IQCH: variants seen among roughly 807,000 people sequenced by gnomAD.
The protein encoded by IQCH is IQ domain-containing protein H.
IQCH carries 98 observed loss-of-function variants against 117.0 expected under a neutral mutation model. The observed-to-expected ratio is 0.84, with a 90% CI of 0.71 to 0.99. IQCH has a LOEUF of 0.99. Among genes scored for constraint, IQCH ranks in the 50% least tolerant of loss-of-function variants. IQCH has a pLI of 0.00. For missense variants in IQCH, 1,102 were observed against 1,243.8 expected (o/e 0.89, Z 1.72); for synonymous variants, 412 against 448.2 (o/e 0.92, Z 1.02).
rs1438276083 is a variant in IQCH, at chr15:67,413,859, C to T, written c.2098-3072C>T. 6.6e-6 allele frequency among the ~76,000 whole-genome samples: 1 copy of T among 152,178 alleles called. No homozygotes were observed. The highest frequency in any genetic ancestry group is 1.5e-5 in the Non-Finnish European group (1 of 68,018). On this transcript the variant is annotated intron_variant, in intron 14 of 20. Coordinates refer to ENST00000335894, the MANE Select transcript of IQCH (RefSeq NM_001031715.3). The surrounding 1 kb of genome is among the most constrained non-coding windows in gnomAD (Gnocchi z 5.0). ...GACTTTCCTCTAGGAAATTTACCTC[C>T]TTACTGGGGCTTTGTGCACAGTGAA...
At position 67,254,938 on chromosome 15, in the gene IQCH, C is replaced by G; in HGVS notation, c.42C>G (p.Ile14Met). The G allele has an allele frequency of 6.2e-7, 1 of 1,613,662 alleles. No homozygotes were observed. The highest frequency in any genetic ancestry group is 8.5e-7 in the Non-Finnish European group (1 of 1,179,730). ...AAAACCACGACCCTGTCGGATCCAT[C>G]TTAATCCAGGTGGGAAACGGGCTTC... ...NTENHDPVGS[I>M]LIQIHEDLYQ... The change falls in exon 1 of 21, where the codon ATC becomes ATG. Residue 14 changes from isoleucine (I) to methionine (M), a missense_variant. Physicochemically the swap from Ile to Met is conservative, Grantham distance 10 (BLOSUM62 1). Transcript: ENST00000335894.
intron 3 of IQCH, among the ~76,000 whole-genome samples, chr15:67,263,782 C>CA (rs1403826658): frequency 2.0e-5 from 3 of 152,052 alleles, no homozygotes; most frequent in African/African-American, 7.2e-5. Context: ...GTAAACAAAA[C>CA]AAAAATAAAA....
rs1366886447 is a variant in IQCH, at chr15:67,494,828, G to T, written c.2970+462G>T. On this transcript the variant is annotated intron_variant, in intron 20 of 20. Coordinates refer to ENST00000335894, the MANE Select transcript of IQCH (RefSeq NM_001031715.3). This position sits in a 1 kb window ranked among gnomAD's most constrained non-coding sequence, Gnocchi z 5.5. ...GTGTTAGGGAGAAGCAGAAAATATAGCATGTATGTGGGCCATCTACCCCAC... is the reference window on the plus strand; with the variant it reads ...GTGTTAGGGAGAAGCAGAAAATATATCATGTATGTGGGCCATCTACCCCAC... Among the ~76,000 whole-genome samples, 4 of 152,142 alleles carry T rather than the reference G, an allele frequency of 2.6e-5. No homozygotes were observed. The highest frequency in any genetic ancestry group is 4.4e-5 in the Non-Finnish European group (3 of 68,030).
Position 67,475,691 on chromosome 15 carries a change from T to A in IQCH, c.2677-5T>A. 6.2e-7 allele frequency: 1 copy of A among 1,613,532 alleles called. No individual in the cohort carries two copies. Among genetic ancestry groups the A allele is most frequent in the South Asian group, 1.1e-5 (1 of 90,960 alleles). ...TGTTTAATATTCAGTTGTGCTCCTT[T>A]CCAGATGCTGGCAACCAGTCGCTAT... On this transcript the variant is annotated splice_polypyrimidine_tract_variant and splice_region_variant and intron_variant, in intron 17 of 20. Transcript: ENST00000335894. The surrounding 1 kb of genome is among the most constrained non-coding windows in gnomAD (Gnocchi z 5.7).
chr15:67,458,340 C>T lies in IQCH; in HGVS notation c.2506-6787C>T, dbSNP rs1385856376. On this transcript the variant is annotated intron_variant, in intron 16 of 20. Transcript: ENST00000335894. The surrounding 1 kb of genome is among the most constrained non-coding windows in gnomAD (Gnocchi z 4.1). Reference sequence around the variant, plus strand: ...GGCTCCTTTTTCTCATACTGCACATCCAATCCATCAATAAGTCCTTTTAGT... The same window carrying T: ...GGCTCCTTTTTCTCATACTGCACATTCAATCCATCAATAAGTCCTTTTAGT... Among the ~76,000 whole-genome samples the T allele has an allele frequency of 3.9e-5, 6 of 152,202 alleles. No individual in the cohort carries two copies. The highest frequency in any genetic ancestry group is 2.1e-4 in the South Asian group (1 of 4,836).
Position 67,475,584 on chromosome 15 carries a change from G to T in IQCH, c.2677-112G>T. 1 of 848,884 alleles carries T rather than the reference G, an allele frequency of 1.2e-6. No individual in the cohort carries two copies. Among genetic ancestry groups the T allele is most frequent in the Non-Finnish European group, 1.9e-6 (1 of 536,474 alleles). The allele number at this position is 848,884 out of a possible 1,614,324, so 52.6% of individuals were successfully genotyped here. On this transcript the variant is annotated intron_variant, in intron 17 of 20. Transcript: ENST00000335894. The surrounding 1 kb of genome is among the most constrained non-coding windows in gnomAD (Gnocchi z 5.7). ...TAACAATAGGAGAACTGGGTGTGGG[G>T]GATATAGGAACTCTCAGAATTATCT...
At chr15:67,287,869 G>T (rs116677837) in intron 4 of IQCH, among the ~76,000 whole-genome samples, 4,257 of 151,854 alleles carry the variant, frequency 0.028, 215 homozygotes, top group African/African-American at 0.099. Flanking sequence ...GGATGTAGTT[G>T]CTTATAGCTA....
Position 67,384,182 on chromosome 15 carries a change from C to T in IQCH, c.1373-754C>T, listed in dbSNP as rs898186564. 9.9e-5 allele frequency among the ~76,000 whole-genome samples: 15 copies of T among 152,162 alleles called. No homozygotes were observed. Among genetic ancestry groups the T allele is most frequent in the African/African-American group, 1.4e-4 (6 of 41,520 alleles). Reference sequence around the variant, plus strand: ...AATTTCATATAAGCAGTTATACCTGCTTGTGAGTATGCATGCTTTTTAAGT... The same window carrying T: ...AATTTCATATAAGCAGTTATACCTGTTTGTGAGTATGCATGCTTTTTAAGT... On this transcript the variant is annotated intron_variant, in intron 10 of 20. Coordinates refer to ENST00000335894, the MANE Select transcript of IQCH (RefSeq NM_001031715.3). The surrounding 1 kb of genome is among the most constrained non-coding windows in gnomAD (Gnocchi z 4.3).
Position 67,350,576 on chromosome 15 carries a change from G to A in IQCH, c.637+6385G>A, listed in dbSNP as rs183483661. 5.8e-3 allele frequency among the ~76,000 whole-genome samples: 876 copies of A among 152,018 alleles called. 10 individuals carry two copies. The highest frequency in any genetic ancestry group is 0.02 in the African/African-American group (840 of 41,464). ...CAAGTAGCTGGGACTACAGGCGCCC[G>A]CAACCACACCCAGCCAATTTTTCGT... is the stretch of plus-strand genomic sequence containing the variant. On this transcript the variant is annotated intron_variant, in intron 6 of 20. Transcript: ENST00000335894.
Position 67,425,409 on chromosome 15 carries a change from C to G in IQCH, c.2505+3832C>G, listed in dbSNP as rs1166843534. The stretch of plus-strand genomic sequence containing the variant: ...TGGGTGGATCACGAGGTCAGGAGTT[C>G]AAGACCAGCTTGGCCAATATGGTGA... On this transcript the variant is annotated intron_variant, in intron 16 of 20. Coordinates refer to ENST00000335894, the MANE Select transcript of IQCH (RefSeq NM_001031715.3). This position sits in a 1 kb window ranked among gnomAD's most constrained non-coding sequence, Gnocchi z 5.5. Among the ~76,000 whole-genome samples the G allele has an allele frequency of 6.6e-6, 1 of 152,088 alleles. No homozygotes were observed. Among genetic ancestry groups the G allele is most frequent in the African/African-American group, 2.4e-5 (1 of 41,422 alleles).
Position 67,404,831 on chromosome 15 carries a change from A to G in IQCH, c.2097+4526A>G, listed in dbSNP as rs1420761302. ...AGGGAGGAAAGATTTGTTTGTTTTT[A>G]TATTTGGTTTTTGTATACACCTCTT... On this transcript the variant is annotated intron_variant, in intron 14 of 20. Coordinates refer to ENST00000335894, the MANE Select transcript of IQCH (RefSeq NM_001031715.3). This position sits in a 1 kb window ranked among gnomAD's most constrained non-coding sequence, Gnocchi z 4.6. 3 of 152,132 alleles carry G rather than the reference A, an allele frequency of 2.0e-5. No individual in the cohort carries two copies. The highest frequency in any genetic ancestry group is 2.9e-5 in the Non-Finnish European group (2 of 67,996). The allele number at this position is 152,132 out of a possible 1,614,324, so 9.4% of individuals were successfully genotyped here.
intron 4 of IQCH, among the ~76,000 whole-genome samples, chr15:67,329,133 T>C (rs1968544188): frequency 1.3e-5 from 2 of 152,076 alleles, no homozygotes; most frequent in African/African-American, 2.4e-5. Flanking sequence ...ACCTAATCTC[T>C]ACACAAAATA....
At chr15:67,265,483 A>G (rs191074838) in intron 3 of IQCH, among the ~76,000 whole-genome samples, 23 of 152,336 alleles carry the variant, frequency 1.5e-4, no homozygotes, top group African/African-American at 5.3e-4. Context: ...TGGCATGAGC[A>G]TCTCTCAGTC....
intron 4 of IQCH, among the ~76,000 whole-genome samples, chr15:67,313,989 C>T (rs1415441655): frequency 1.3e-5 from 2 of 152,140 alleles, no homozygotes; most frequent in African/African-American, 4.8e-5. Flanking sequence ...GCAGGCAGCA[C>T]CTTCCCCTGA....
Position 67,413,746 on chromosome 15 carries a change from G to C in IQCH, c.2098-3185G>C, listed in dbSNP as rs1353990454. On this transcript the variant is annotated intron_variant, in intron 14 of 20. Coordinates refer to ENST00000335894, the MANE Select transcript of IQCH (RefSeq NM_001031715.3). This position sits in a 1 kb window ranked among gnomAD's most constrained non-coding sequence, Gnocchi z 5.0. Reference sequence around the variant, plus strand: ...CCCCAAGCTGCCTCTGTGTGCCCCAGCATCCCTACTGAATGTCACCCCGCC... The same window carrying C: ...CCCCAAGCTGCCTCTGTGTGCCCCACCATCCCTACTGAATGTCACCCCGCC... Among the ~76,000 whole-genome samples the C allele has an allele frequency of 6.6e-6, 1 of 152,060 alleles. No homozygotes were observed. The highest frequency in any genetic ancestry group is 1.9e-4 in the East Asian group (1 of 5,196).
intron 18 of IQCH, among the ~76,000 whole-genome samples, chr15:67,480,499 G>A (rs568843528): frequency 2.4e-4 from 36 of 152,240 alleles, no homozygotes; most frequent in Non-Finnish European, 1.0e-4. Flanking sequence ...AAATGGAGCA[G>A]GACCAAGAAC....
intron 15 of IQCH, 64 bp from the exon 16 acceptor site, chr15:67,421,227 A>C: frequency 1.4e-6 from 2 of 1,394,598 alleles, no homozygotes; most frequent in Non-Finnish European, 2.0e-6. Context: ...GCAGATGCAG[A>C]ATCTGAGCCC....
At chr15:67,380,330 T>A (rs1485045256) in intron 10 of IQCH, among the ~76,000 whole-genome samples, 1 of 152,232 alleles carries the variant, frequency 6.6e-6, no homozygotes, top group Non-Finnish European at 1.5e-5. Flanking sequence ...TGTATTTCCA[T>A]GTTTTCTACA....
At position 67,418,777 on chromosome 15, in the gene IQCH, C is replaced by T. The variant is rs150670824; in HGVS notation, c.2218+1726C>T. ...ATTTTTAGTAGAGACAGGGTTTCACCATGTTGGCCAGGCTGGTCTCAAACT... is the reference window on the plus strand; with the variant it reads ...ATTTTTAGTAGAGACAGGGTTTCACTATGTTGGCCAGGCTGGTCTCAAACT... On this transcript the variant is annotated intron_variant, in intron 15 of 20. Coordinates refer to ENST00000335894, the MANE Select transcript of IQCH (RefSeq NM_001031715.3). Among the ~76,000 whole-genome samples the T allele has an allele frequency of 5.5e-3, 829 of 152,058 alleles. 12 individuals carry two copies. The highest frequency in any genetic ancestry group is 0.018 in the African/African-American group (766 of 41,494).
Sources: gnomAD v4.1 joint callset for allele counts (sites outside exome capture counted in the v4.1 genomes callset) on GRCh38, gnomAD v4.1.1 for gene constraint, Gnocchi (gnomAD v3.1) non-coding constraint, MANE v1.5 for transcripts, NCBI Gene and HGNC (gene_info 2026-07-23, HGNC 2026-07-21) for gene names.